NREP: variants seen among roughly 807,000 people sequenced by gnomAD.
The protein encoded by NREP is neuronal regeneration-related protein.
Under a neutral mutation model 8.6 loss-of-function variants are expected in NREP, and 5 were observed. The observed-to-expected ratio is 0.58, with a 90% CI of 0.30 to 1.22. The LOEUF (loss-of-function observed/expected upper bound fraction) is 1.22. Ranked by LOEUF, NREP falls within the 50% of genes most tolerant of loss-of-function variation. The pLI, the probability that NREP is intolerant of heterozygous loss-of-function variation, is 0.07. For missense variants in NREP, 86 were observed against 82.5 expected (o/e 1.04, Z -0.17); for synonymous variants, 27 against 28.0 (o/e 0.96, Z 0.11).
At chr5:111,856,145 T>A (rs1307627855) in intron 2 of NREP, among the ~76,000 whole-genome samples, 2 of 152,192 alleles carry the variant, frequency 1.3e-5, no homozygotes, top group Middle Eastern at 3.2e-3. Context: ...CCAGCGAGGA[T>A]GCTGTCTGCT....
intron 2 of NREP, among the ~76,000 whole-genome samples, chr5:111,750,858 T>G (rs2112839818): frequency 6.6e-6 from 1 of 152,288 alleles, no homozygotes; most frequent in Non-Finnish European, 1.5e-5. Flanking sequence ...CTCTGGAAGC[T>G]GGGAAAGGTT....
chr5:111,962,127 T>A (rs1440343562), intron 2 of NREP, among the ~76,000 whole-genome samples: 1 of 152,166 alleles, frequency 6.6e-6, no homozygotes, highest in Non-Finnish European at 1.5e-5. Context: ...TGTAAATAGT[T>A]CAGTTCCAGT....
chr5:111,793,474 C>A (rs1751799651), intron 2 of NREP, among the ~76,000 whole-genome samples: 1 of 152,102 alleles, frequency 6.6e-6, no homozygotes, highest in African/African-American at 2.4e-5. Context: ...AGAGAGAATT[C>A]ACCCTTCCTC....
At chr5:111,932,287 A>G (rs1313655084) in intron 2 of NREP, among the ~76,000 whole-genome samples, 1 of 152,066 alleles carries the variant, frequency 6.6e-6, no homozygotes, top group Non-Finnish European at 1.5e-5. Flanking sequence ...AACACATGGA[A>G]ATATGGGTGT....
chr5:111,822,876 A>T (rs1185468440), intron 2 of NREP, among the ~76,000 whole-genome samples: 6 of 152,258 alleles, frequency 3.9e-5, no homozygotes, highest in Non-Finnish European at 8.8e-5. Flanking sequence ...GAACATCAAC[A>T]TATCACTGGA....
intron 2 of NREP, among the ~76,000 whole-genome samples, chr5:111,917,794 G>A (rs963148052): frequency 4.6e-5 from 7 of 152,200 alleles, no homozygotes; most frequent in African/African-American, 9.6e-5. Flanking sequence ...TTTGAAAACC[G>A]GCACAAGACA....
chr5:111,737,981 A>G (rs140200371), intron 2 of NREP, among the ~76,000 whole-genome samples: 90 of 152,238 alleles, frequency 5.9e-4, no homozygotes, highest in African/African-American at 2.0e-3. Context: ...TAGTTTTCCA[A>G]TCTCCTTCAA....
intron 3 of NREP, 163 bp downstream of exon 3, chr5:111,735,267 A>G (rs1458275458): frequency 1.8e-5 from 9 of 502,020 alleles, no homozygotes; most frequent in Non-Finnish European, 3.2e-5. Context: ...GGACTTTAGG[A>G]TATTTTTTAA....
intron 2 of NREP, among the ~76,000 whole-genome samples, chr5:111,782,268 T>A (rs1475015019): frequency 6.6e-6 from 1 of 152,174 alleles, no homozygotes; most frequent in Non-Finnish European, 1.5e-5. Context: ...GTACAAAAAG[T>A]TCTGCAGTAT....
rs74910820 is a variant in NREP, at chr5:111,896,597, C to T, written c.135+78677G>A. Among the ~76,000 whole-genome samples, 288 of 152,248 alleles carry T rather than the reference C, an allele frequency of 1.9e-3. 10 individuals are homozygous for T. In the East Asian group the frequency reaches 0.049, roughly 26 times the overall value. On this transcript the variant is annotated intron_variant, in intron 2 of 3. Coordinates refer to the NREP transcript ENST00000395634. ...AAGAGAGGCTACCAACCATTTAAAC[C>T]GGAGTATCTGTGCATTTTCCAGGGA...
intron 2 of NREP, among the ~76,000 whole-genome samples, chr5:111,828,257 C>T (rs1752675207): frequency 6.6e-6 from 1 of 152,068 alleles, no homozygotes; most frequent in African/African-American, 2.4e-5. Context: ...TGCGAACTCT[C>T]AACCTCAAGT....
At chr5:111,975,150 G>GTATGTAAGAAT in intron 2 of NREP, 1 of 675,786 alleles carries the variant, frequency 1.5e-6, no homozygotes, top group South Asian at 1.9e-5. Flanking sequence ...TAATGGAAAG[G>GTATGTAAGAAT]CTTTCACGGG....
chr5:111,764,077 T>C (rs1010303266), intron 2 of NREP, among the ~76,000 whole-genome samples: 3 of 152,220 alleles, frequency 2.0e-5, no homozygotes, highest in Non-Finnish European at 4.4e-5. Flanking sequence ...CTAAATATAA[T>C]TTTGAAGTTA....
At chr5:111,784,514 A>T (rs2112886728) in intron 2 of NREP, among the ~76,000 whole-genome samples, 1 of 152,356 alleles carries the variant, frequency 6.6e-6, no homozygotes, top group Middle Eastern at 3.4e-3. Flanking sequence ...GTTATAATGC[A>T]CGTTTCTCAA....
intron 2 of NREP, among the ~76,000 whole-genome samples, chr5:111,780,801 C>T (rs1408715684): frequency 3.9e-5 from 6 of 152,086 alleles, no homozygotes; most frequent in Non-Finnish European, 8.8e-5. Flanking sequence ...AAGAAGGCCA[C>T]GCCAATATAT....
At chr5:111,816,767 C>A (rs1167189214) in intron 2 of NREP, among the ~76,000 whole-genome samples, 1 of 150,462 alleles carries the variant, frequency 6.6e-6, no homozygotes, top group Non-Finnish European at 1.5e-5. Context: ...TAGTTTTAAA[C>A]TGAATATATC....
chr5:111,778,568 A>G (rs1751416578), intron 2 of NREP, among the ~76,000 whole-genome samples: 1 of 152,126 alleles, frequency 6.6e-6, no homozygotes, highest in Non-Finnish European at 1.5e-5. Context: ...GTCCTTATTT[A>G]ATTGTGATGT....
In NREP at chr5:111,871,149, T is replaced by C. The variant is rs375478664; in HGVS notation, c.135+104125A>G. ...AAAGGCGTGTTAGGCAACTTCATCA[T>C]TGTGCAAATATCATAGAGTGTACAT... On this transcript the variant is annotated intron_variant, in intron 2 of 3. Transcript: ENST00000395634. Among the ~76,000 whole-genome samples the C allele has an allele frequency of 1.1e-4, 17 of 151,412 alleles. No individual in the cohort carries two copies. The East Asian group carries it at 1.6e-3, about 14-fold the overall frequency.
chr5:111,791,709 G>A (rs959296193), intron 2 of NREP, among the ~76,000 whole-genome samples: 1 of 152,196 alleles, frequency 6.6e-6, no homozygotes, highest in Non-Finnish European at 1.5e-5. Flanking sequence ...CTGGGCTCAA[G>A]CAATCTTCCT....
Sources: gnomAD v4.1 joint callset for allele counts (sites outside exome capture counted in the v4.1 genomes callset) on GRCh38, gnomAD v4.1.1 for gene constraint, MANE v1.5 for transcripts, NCBI Gene and HGNC (gene_info 2026-07-23, HGNC 2026-07-21) for gene names.